Variants in DOK6 observed in about 807,000 individuals in gnomAD.
The protein encoded by DOK6 is docking protein 6.
Under a neutral mutation model 44.0 loss-of-function variants are expected in DOK6, and 22 were observed. The ratio of observed to expected loss-of-function variants is 0.50; its 90% CI spans 0.36 to 0.71. The LOEUF (loss-of-function observed/expected upper bound fraction) is 0.71. DOK6 is among the 30% of genes least tolerant of loss of function. DOK6 has a pLI of 0.00. For missense variants in DOK6, 340 were observed against 416.4 expected, an observed-to-expected ratio of 0.82 and a Z score of 1.60; for synonymous variants, 166 against 145.5, an observed-to-expected ratio of 1.14 and a Z score of -1.01.
chr18:69,747,614 A>G (rs911486672), intron 6 of DOK6, among the ~76,000 whole-genome samples: 1 of 148,358 alleles, frequency 6.7e-6, no homozygotes, highest in African/African-American at 2.5e-5. Context: ...CCCACAGAAG[A>G]TATCAGCATC....
At chr18:69,722,730 T>G (rs549128636) in intron 5 of DOK6, among the ~76,000 whole-genome samples, 2 of 152,220 alleles carry the variant, frequency 1.3e-5, no homozygotes, top group East Asian at 3.8e-4. Context: ...AGCAAAATAC[T>G]TCATATCTCT....
chr18:69,478,298 T>C (rs563633368), intron 1 of DOK6, among the ~76,000 whole-genome samples: 6 of 152,190 alleles, frequency 3.9e-5, no homozygotes, highest in Non-Finnish European at 8.8e-5. Flanking sequence ...ATATCAGCCA[T>C]CATTTATTCT....
At chr18:69,446,747 T>A (rs1979306280) in intron 1 of DOK6, among the ~76,000 whole-genome samples, 1 of 152,204 alleles carries the variant, frequency 6.6e-6, no homozygotes, top group African/African-American at 2.4e-5. Flanking sequence ...GTGATCACCA[T>A]TCTAACTGGT....
At chr18:69,581,001 T>C (rs977551197) in intron 2 of DOK6, among the ~76,000 whole-genome samples, 1 of 152,220 alleles carries the variant, frequency 6.6e-6, no homozygotes, top group Non-Finnish European at 1.5e-5. Context: ...ATGACAGATG[T>C]TCATTCTTAA....
chr18:69,657,792 T>C (rs1394178123), intron 3 of DOK6, among the ~76,000 whole-genome samples: 1 of 152,228 alleles, frequency 6.6e-6, no homozygotes, highest in Non-Finnish European at 1.5e-5. Flanking sequence ...TCATAAATTC[T>C]GGAATTAGGT....
intron 1 of DOK6, among the ~76,000 whole-genome samples, chr18:69,491,678 G>C (rs1482128754): frequency 6.6e-6 from 1 of 152,128 alleles, no homozygotes; most frequent in Non-Finnish European, 1.5e-5. Context: ...TTAATTCCAG[G>C]CATGACTGAG....
At chr18:69,449,287 G>C (rs1979385657) in intron 1 of DOK6, among the ~76,000 whole-genome samples, 1 of 152,168 alleles carries the variant, frequency 6.6e-6, no homozygotes, top group African/African-American at 2.4e-5. Context: ...CAGATACAAT[G>C]TGAGAAACCT....
At chr18:69,564,631 G>A in intron 2 of DOK6, 37 bp downstream of exon 2, 1 of 1,527,542 alleles carries the variant, frequency 6.5e-7, no homozygotes. Context: ...GGGAATAACT[G>A]GGCCCTTGAA....
chr18:69,635,977 C>G (rs1482892078), intron 3 of DOK6, among the ~76,000 whole-genome samples: 1 of 152,116 alleles, frequency 6.6e-6, no homozygotes, highest in Admixed American at 6.5e-5. Context: ...GCTTTCTGTC[C>G]CTGGAAGTCT....
chr18:69,535,709 A>G (rs1281356395), intron 1 of DOK6, among the ~76,000 whole-genome samples: 2 of 151,970 alleles, frequency 1.3e-5, no homozygotes, highest in Non-Finnish European at 1.5e-5. Flanking sequence ...ATAAAAATAT[A>G]ATACCTTAAG....
chr18:69,580,109 C>T (rs2144609208), intron 2 of DOK6, among the ~76,000 whole-genome samples: 1 of 152,090 alleles, frequency 6.6e-6, no homozygotes, highest in African/African-American at 2.4e-5. Context: ...TCAAAAATAC[C>T]CATTTTTTAG....
rs566989958 is a variant in DOK6 at position 69,481,371 on chromosome 18, CCCT to C, written c.66+80062_66+80064del. 7.3e-3 allele frequency among the ~76,000 whole-genome samples: 1,115 copies of C among 152,148 alleles called. 14 individuals carry two copies. The highest frequency in any genetic ancestry group is 0.025 in the African/African-American group (1,018 of 41,492). ...TATATCTCCTAATGCTATCCCTACC[CCCT>C]ACCCCCACCCCACAACAGGCCCCAG... On this transcript the variant is annotated intron_variant, in intron 1 of 7. Transcript: ENST00000382713.
At chr18:69,481,951 A>G (rs1204423894) in intron 1 of DOK6, among the ~76,000 whole-genome samples, 5 of 152,032 alleles carry the variant, frequency 3.3e-5, no homozygotes, top group Non-Finnish European at 5.9e-5. Flanking sequence ...TGTGGTTTTG[A>G]TTTGCATTTC....
rs753408845 is a variant in DOK6 at position 69,841,196 on chromosome 18, T to C, written c.857-48T>C. 5.0e-6 allele frequency: 8 copies of C among 1,610,238 alleles called. No homozygotes were observed. In the East Asian group the frequency reaches 1.6e-4, roughly 31 times the overall value. ...TAGATGATAGATAGTGTATCTTTTG[T>C]GCTTCTGAATCTGTTTCTCAGTAGA... On this transcript the variant is annotated intron_variant, in intron 7 of 7. Transcript: ENST00000382713.
At chr18:69,628,900 T>G (rs1984621804) in intron 3 of DOK6, among the ~76,000 whole-genome samples, 1 of 152,200 alleles carries the variant, frequency 6.6e-6, no homozygotes, top group Non-Finnish European at 1.5e-5. Context: ...CTGAAGGCTG[T>G]GTAAGCTGGA....
chr18:69,644,076 TTTGCCCATTTTCTAGGTGGATA>T (rs1390711357), intron 3 of DOK6, among the ~76,000 whole-genome samples: 1 of 152,204 alleles, frequency 6.6e-6, no homozygotes, highest in East Asian at 1.9e-4. Flanking sequence ...GTTCACGTAT[TTTGCCCATTTTCTAGGTGGATA>T]TTGGTTTCAT....
At chr18:69,465,372 T>G (rs1044071512) in intron 1 of DOK6, among the ~76,000 whole-genome samples, 1 of 152,080 alleles carries the variant, frequency 6.6e-6, no homozygotes, top group African/African-American at 2.4e-5. Context: ...TAGTTACATA[T>G]GTATACATAT....
intron 7 of DOK6, among the ~76,000 whole-genome samples, chr18:69,827,594 C>A (rs948124148): frequency 6.6e-6 from 1 of 151,934 alleles, no homozygotes; most frequent in African/African-American, 2.4e-5. Flanking sequence ...TAACACATAT[C>A]GTCGAAGTCA....
chr18:69,621,177 A>C (rs1568313638), intron 3 of DOK6, among the ~76,000 whole-genome samples: 1 of 152,136 alleles, frequency 6.6e-6, no homozygotes, highest in East Asian at 1.9e-4. Context: ...TACACCTAGC[A>C]CCAACTGCCT....
Sources: gnomAD v4.1 joint callset for allele counts (sites outside exome capture counted in the v4.1 genomes callset) on GRCh38, gnomAD v4.1.1 for gene constraint, MANE v1.5 for transcripts, NCBI Gene and HGNC (gene_info 2026-07-23, HGNC 2026-07-21) for gene names.